Variants in EYS observed in about 807,000 individuals in gnomAD.
EYS encodes the protein protein eyes shut homolog.
Under a neutral mutation model 282.1 loss-of-function variants are expected in EYS, and 250 were observed. That is an observed-to-expected ratio of 0.89 (90% CI 0.80 to 0.98). The LOEUF (loss-of-function observed/expected upper bound fraction) is 0.98. Among genes scored for constraint, EYS ranks in the 50% least tolerant of loss-of-function variants. EYS has a pLI of 0.00. For missense variants in EYS, 4,016 were observed against 3,709.0 expected, an observed-to-expected ratio of 1.08 and a Z score of -2.15; for synonymous variants, 1,355 against 1,282.9, an observed-to-expected ratio of 1.06 and a Z score of -1.20.
At chr6:64,828,846 T>A (rs1562213542) in intron 19 of EYS, among the ~76,000 whole-genome samples, 2 of 151,706 alleles carry the variant, frequency 1.3e-5, no homozygotes, top group Non-Finnish European at 2.9e-5. Context: ...GAAGGAAAAA[T>A]AAAAAAAGTC....
rs1467503747 is a variant in EYS at position 65,480,857 on chromosome 6, C to T, written c.862+9737G>A. On this transcript the variant is annotated intron_variant, in intron 5 of 42. Transcript: ENST00000503581. ...TATATTAAGCGAAATAGGTCAGGCACAGAAAGATAAATACTGCATGTTCTC... is the reference window on the plus strand; with the variant it reads ...TATATTAAGCGAAATAGGTCAGGCATAGAAAGATAAATACTGCATGTTCTC... 3.3e-5 allele frequency among the ~76,000 whole-genome samples: 5 copies of T among 151,982 alleles called. No homozygotes were observed. The East Asian group carries it at 9.7e-4, about 29-fold the overall frequency.
At chr6:64,629,950 T>C (rs1767727086) in intron 22 of EYS, among the ~76,000 whole-genome samples, 1 of 152,194 alleles carries the variant, frequency 6.6e-6, no homozygotes, top group Admixed American at 6.5e-5. Context: ...AGCAGTGTTG[T>C]GAGAGGAAAT....
chr6:65,089,677 A>G (rs930680179), intron 12 of EYS, among the ~76,000 whole-genome samples: 11 of 152,058 alleles, frequency 7.2e-5, no homozygotes, highest in African/African-American at 2.2e-4. Flanking sequence ...GAGGCCAGGC[A>G]TAGTGGCTCA....
intron 14 of EYS, among the ~76,000 whole-genome samples, chr6:64,950,153 T>C (rs139421320): frequency 6.6e-6 from 1 of 151,926 alleles, no homozygotes; most frequent in African/African-American, 2.4e-5. Flanking sequence ...CAGACTTACA[T>C]GAAGTGGATT....
chr6:64,437,040 C>T (rs1774774175), intron 27 of EYS, among the ~76,000 whole-genome samples: 1 of 151,672 alleles, frequency 6.6e-6, no homozygotes, highest in East Asian at 1.9e-4. Context: ...AGTTGATATA[C>T]CCAAATCCTC....
chr6:64,500,201 A>G (rs1235936838), intron 26 of EYS, among the ~76,000 whole-genome samples: 2 of 152,128 alleles, frequency 1.3e-5, no homozygotes, highest in Admixed American at 1.3e-4. Context: ...AAATCTTTTC[A>G]GGTATCTTTA....
intron 33 of EYS, among the ~76,000 whole-genome samples, chr6:64,003,118 T>A (rs545055487): frequency 6.6e-6 from 1 of 152,204 alleles, no homozygotes. Context: ...AATGGAGTAC[T>A]GTTCAGCCAT....
chr6:64,482,888 T>C (rs1405794947), intron 26 of EYS, among the ~76,000 whole-genome samples: 1 of 151,634 alleles, frequency 6.6e-6, no homozygotes, highest in East Asian at 1.9e-4. Flanking sequence ...TCAAATAAAG[T>C]ATTTTCATAG....
At chr6:64,098,327 A>G (rs1217332145) in intron 31 of EYS, among the ~76,000 whole-genome samples, 1 of 152,208 alleles carries the variant, frequency 6.6e-6, no homozygotes, top group African/African-American at 2.4e-5. Flanking sequence ...TAGAGCAGGG[A>G]AATAACTTCT....
rs1344740464 is a variant in EYS, at chr6:64,769,452, A to G, written c.3443+43926T>C. On this transcript the variant is annotated intron_variant, in intron 22 of 42. Transcript: ENST00000503581. ...TATTCTTGTTTTAAAATTTTAAATC[A>G]TAAGTTTAAAATTGCTTTCCCATTA... 2.0e-5 allele frequency among the ~76,000 whole-genome samples: 3 copies of G among 152,152 alleles called. No individual in the cohort carries two copies. The South Asian group carries it at 6.2e-4, about 32-fold the overall frequency.
intron 22 of EYS, among the ~76,000 whole-genome samples, chr6:64,731,663 A>G (rs1771971331): frequency 1.3e-5 from 2 of 152,200 alleles, no homozygotes; most frequent in Non-Finnish European, 1.5e-5. Flanking sequence ...AGGAAACAAC[A>G]GATGCTGGAG....
At chr6:65,098,686 C>T (rs533234496) in intron 12 of EYS, among the ~76,000 whole-genome samples, 11 of 150,878 alleles carry the variant, frequency 7.3e-5, no homozygotes, top group Non-Finnish European at 1.5e-4. Context: ...AGTAATTAGA[C>T]TCTGGTAGAA....
At chr6:64,659,260 C>T (rs996993323) in intron 22 of EYS, among the ~76,000 whole-genome samples, 14 of 152,212 alleles carry the variant, frequency 9.2e-5, no homozygotes, top group African/African-American at 3.4e-4. Context: ...ATTTATAGCA[C>T]TAAATGCCCA....
intron 26 of EYS, among the ~76,000 whole-genome samples, chr6:64,527,125 G>GAAAT (rs1469966142): frequency 6.6e-6 from 1 of 151,722 alleles, no homozygotes; most frequent in African/African-American, 2.4e-5. Context: ...AGATTAAAAG[G>GAAAT]AAATAACTAC....
intron 35 of EYS, among the ~76,000 whole-genome samples, chr6:63,975,161 T>G (rs1476381234): frequency 6.6e-6 from 1 of 151,882 alleles, no homozygotes; most frequent in Non-Finnish European, 1.5e-5. Context: ...TGTTTTAACC[T>G]AAGCTTGCAG....
At chr6:65,170,960 T>C (rs1765091157) in intron 12 of EYS, among the ~76,000 whole-genome samples, 1 of 151,534 alleles carries the variant, frequency 6.6e-6, no homozygotes, top group African/African-American at 2.4e-5. Context: ...ATATTTTAAG[T>C]GGCAACTCTC....
chr6:63,923,751 C>T (rs903591873), intron 35 of EYS, among the ~76,000 whole-genome samples: 1 of 152,062 alleles, frequency 6.6e-6, no homozygotes, highest in Non-Finnish European at 1.5e-5. Flanking sequence ...TCTATGGTCC[C>T]CAGTGTCTAT....
intron 30 of EYS, among the ~76,000 whole-genome samples, chr6:64,287,801 G>A (rs901891787): frequency 1.3e-5 from 2 of 151,992 alleles, no homozygotes; most frequent in African/African-American, 2.4e-5. Context: ...ATATTATCAC[G>A]GCTTTGCTCG....
intron 11 of EYS, among the ~76,000 whole-genome samples, chr6:65,309,445 A>T (rs1248286534): frequency 6.6e-6 from 1 of 152,166 alleles, no homozygotes; most frequent in Non-Finnish European, 1.5e-5. Context: ...TAGACTTGTC[A>T]TATCTTGTTA....
Sources: gnomAD v4.1 joint callset for allele counts (sites outside exome capture counted in the v4.1 genomes callset) on GRCh38, gnomAD v4.1.1 for gene constraint, MANE v1.5 for transcripts, NCBI Gene and HGNC (gene_info 2026-07-23, HGNC 2026-07-21) for gene names.